MTHFD1: variants seen among roughly 807,000 people sequenced by gnomAD.
The protein encoded by MTHFD1 is C-1-tetrahydrofolate synthase, cytoplasmic.
A neutral mutation model predicts 110.3 loss-of-function variants in MTHFD1; 44 were observed. The observed-to-expected ratio is 0.40, with a 90% CI of 0.31 to 0.51. The LOEUF is 0.51. Among genes scored for constraint, MTHFD1 ranks in the 20% least tolerant of loss-of-function variants. The pLI is 0.60. For missense variants in MTHFD1, 909 were observed against 1,173.1 expected, an observed-to-expected ratio of 0.77 and a Z score of 3.29; for synonymous variants, 402 against 428.8, an observed-to-expected ratio of 0.94 and a Z score of 0.77.
rs757012830 is a variant in MTHFD1, at chr14:64,439,116, T to C, written c.1618T>C (p.Phe540Leu). 5.0e-6 allele frequency: 8 copies of C among 1,613,904 alleles called. No homozygotes were observed. Among genetic ancestry groups the C allele is most frequent in the African/African-American group, 1.3e-5 (1 of 74,944 alleles). ...TGTAGTGTTGGATACCAATGATAGATTCCTGAGGAAGATCACGATTGGACA... is the reference window on the plus strand; with the variant it reads ...TGTAGTGTTGGATACCAATGATAGACTCCTGAGGAAGATCACGATTGGACA... ...WQRVLDTNDR[F>L]LRKITIGQAP... is the part of the protein sequence containing the mutation. The change falls in exon 17 of 28, where the codon TTC becomes CTC. Residue 540 changes from phenylalanine (F) to leucine (L), a missense_variant. Phe to Leu is a conservative substitution (Grantham distance 22). Coordinates refer to ENST00000652337, the MANE Select transcript of MTHFD1 (RefSeq NM_005956.4).
At chr14:64,435,318 C>G (rs1411471776) in intron 15 of MTHFD1, among the ~76,000 whole-genome samples, 1 of 152,062 alleles carries the variant, frequency 6.6e-6, no homozygotes, top group Non-Finnish European at 1.5e-5. Flanking sequence ...ATATTTGTGG[C>G]ATCCCAGGTT....
At chr14:64,429,571 T>C (rs780197389) in intron 12 of MTHFD1, among the ~76,000 whole-genome samples, 9 of 152,190 alleles carry the variant, frequency 5.9e-5, no homozygotes, top group Non-Finnish European at 1.2e-4. Context: ...GCTGACACGA[T>C]GCTCAAAGGA....
intron 22 of MTHFD1, among the ~76,000 whole-genome samples, chr14:64,447,281 A>G (rs1357359078): frequency 6.8e-6 from 1 of 147,876 alleles, no homozygotes; most frequent in East Asian, 2.0e-4. Context: ...TCAGCCTCCC[A>G]AGCAGCTGGG....
At chr14:64,422,024 G>A (rs1163515094) in intron 8 of MTHFD1, among the ~76,000 whole-genome samples, 2 of 152,060 alleles carry the variant, frequency 1.3e-5, no homozygotes, top group Non-Finnish European at 2.9e-5. Context: ...AAAAACCTGA[G>A]TGGGGATCTT....
chr14:64,412,357 A>T, intron 3 of MTHFD1, 115 bp from the exon 4 acceptor site: 3 of 794,158 alleles, frequency 3.8e-6, no homozygotes, highest in Non-Finnish European at 6.8e-6. Flanking sequence ...TTCAGAACAT[A>T]TAAGGGTGAA....
chr14:64,428,189 T>C (rs111284167), intron 12 of MTHFD1, among the ~76,000 whole-genome samples: 9,147 of 149,484 alleles, frequency 0.061, 495 homozygotes, highest in African/African-American at 0.15. Flanking sequence ...TCTCGGCTCA[T>C]TGCAACCTCT....
chr14:64,402,692 G>A (rs1025448479), intron 2 of MTHFD1, among the ~76,000 whole-genome samples: 2 of 151,920 alleles, frequency 1.3e-5, no homozygotes, highest in African/African-American at 4.8e-5. Context: ...TAGAGGTGTG[G>A]TCCCAACTAC....
chr14:64,403,826 C>T (rs2077917820), intron 2 of MTHFD1, among the ~76,000 whole-genome samples: 1 of 152,160 alleles, frequency 6.6e-6, no homozygotes, highest in Non-Finnish European at 1.5e-5. Context: ...AGATTACAGG[C>T]ATGAGCCACT....
intron 22 of MTHFD1, 178 bp from the exon 23 acceptor site, chr14:64,448,039 T>C (rs768216643): frequency 1.2e-5 from 8 of 644,324 alleles, no homozygotes; most frequent in Non-Finnish European, 2.2e-5. Context: ...CAGTTCTCCA[T>C]AGCATCCACT....
At chr14:64,425,972 T>A in intron 10 of MTHFD1, 47 bp from the exon 11 acceptor site, 2 of 1,609,708 alleles carry the variant, frequency 1.2e-6, no homozygotes. Flanking sequence ...TGGGATTAAT[T>A]AAACTCAGTG....
chr14:64,433,925 G>A (rs992454079), intron 15 of MTHFD1, among the ~76,000 whole-genome samples: 4 of 151,988 alleles, frequency 2.6e-5, no homozygotes, highest in Admixed American at 6.6e-5. Context: ...AGCTACTCGA[G>A]AGGCTGACAC....
intron 24 of MTHFD1, 81 bp downstream of exon 24, chr14:64,449,703 G>A: frequency 1.3e-6 from 2 of 1,513,748 alleles, no homozygotes; most frequent in Non-Finnish European, 1.8e-6. Flanking sequence ...TTCTATTAGA[G>A]CCCCATGCTT....
At chr14:64,450,747 GC>G (rs1388388262) in intron 24 of MTHFD1, among the ~76,000 whole-genome samples, 4 of 152,072 alleles carry the variant, frequency 2.6e-5, no homozygotes, top group African/African-American at 9.7e-5. Context: ...TTGCTCTGTT[GC>G]TCAGGCTGGA....
chr14:64,414,080 C>A (rs1251352011), intron 4 of MTHFD1, among the ~76,000 whole-genome samples: 1 of 152,110 alleles, frequency 6.6e-6, no homozygotes. Flanking sequence ...CTGCAACCTC[C>A]ACCTCCCAGG....
chr14:64,400,048 T>C (rs1361758702), intron 1 of MTHFD1, among the ~76,000 whole-genome samples: 2 of 152,228 alleles, frequency 1.3e-5, no homozygotes, highest in Admixed American at 1.3e-4. Context: ...GTACTGAGAT[T>C]ACAGGCATGA....
chr14:64,441,381 G>A lies in MTHFD1; in HGVS notation c.1816-4G>A. On this transcript the variant is annotated splice_polypyrimidine_tract_variant and splice_region_variant and intron_variant, in intron 18 of 27. Transcript: ENST00000652337. ...AGTTGATGCTGCACACATTTGTTTT[G>A]TAGGGGGTGAGTGGTGCACTGACAG... The A allele has an allele frequency of 6.2e-7, 1 of 1,614,066 alleles. No individual in the cohort carries two copies.
At chr14:64,450,025 C>T (rs184430035) in intron 24 of MTHFD1, among the ~76,000 whole-genome samples, 29 of 152,268 alleles carry the variant, frequency 1.9e-4, no homozygotes, top group East Asian at 1.5e-3. Flanking sequence ...CTCCTGACCT[C>T]GTGATCCACC....
chr14:64,406,877 TAGG>T (rs1221878606), intron 2 of MTHFD1, among the ~76,000 whole-genome samples: 1 of 152,214 alleles, frequency 6.6e-6, no homozygotes, highest in Non-Finnish European at 1.5e-5. Context: ...CCCTACGATG[TAGG>T]AGATGTCCCC....
chr14:64,453,879 T>C lies in MTHFD1; in HGVS notation c.2565+18T>C, dbSNP rs1238025250. The C allele has an allele frequency of 6.0e-6, 9 of 1,507,424 alleles. No individual in the cohort carries two copies. Among genetic ancestry groups the C allele is most frequent in the Non-Finnish European group, 7.4e-6 (8 of 1,083,720 alleles). 93.4% of individuals were successfully genotyped at this position (1,507,424 alleles called of 1,614,324 possible). The stretch of plus-strand genomic sequence containing the variant: ...CGAAGCAGGTAGATGTTTGGTTAGT[T>C]TGTCCTTTCAACTCTTTGCAAAGCA... On this transcript the variant is annotated intron_variant, in intron 25 of 27. Coordinates refer to ENST00000652337, the MANE Select transcript of MTHFD1 (RefSeq NM_005956.4).
Sources: gnomAD v4.1 joint callset for allele counts (sites outside exome capture counted in the v4.1 genomes callset) on GRCh38, gnomAD v4.1.1 for gene constraint, MANE v1.5 for transcripts, NCBI Gene and HGNC (gene_info 2026-07-23, HGNC 2026-07-21) for gene names.